DAB1: variants seen among roughly 807,000 people sequenced by gnomAD.
DAB1 encodes DAB adaptor protein 1.
DAB1 carries 15 observed loss-of-function variants against 64.6 expected under a neutral mutation model. That is an observed-to-expected ratio of 0.23 (90% CI 0.16 to 0.36). The LOEUF (loss-of-function observed/expected upper bound fraction) is 0.36, where lower values mean the gene tolerates loss of function less well. DAB1 is among the 10% of genes least tolerant of loss of function. The pLI is 1.00. For synonymous variants in DAB1, 235 were observed against 251.9 expected (o/e 0.93, Z 0.64); for missense variants, 596 against 706.7 (o/e 0.84, Z 1.78).
At chr1:58,476,679 A>G (rs1645422157) in intron 3 of DAB1, among the ~76,000 whole-genome samples, 1 of 152,222 alleles carries the variant, frequency 6.6e-6, no homozygotes, top group African/African-American at 2.4e-5. Flanking sequence ...TGAGGTGATT[A>G]ACAGAAATTT....
At chr1:57,076,795 G>A (rs1652035848) in intron 4 of DAB1, among the ~76,000 whole-genome samples, 1 of 152,142 alleles carries the variant, frequency 6.6e-6, no homozygotes. Context: ...CCCATCCCTA[G>A]ATCTCACTGC....
chr1:58,001,077 C>T (rs1308365064), intron 5 of DAB1, among the ~76,000 whole-genome samples: 4 of 151,102 alleles, frequency 2.6e-5, no homozygotes, highest in African/African-American at 9.7e-5. Flanking sequence ...CCCTCATAAT[C>T]CCTTCCTCTC....
intron 5 of DAB1, among the ~76,000 whole-genome samples, chr1:57,948,442 T>A (rs1383880131): frequency 6.6e-6 from 1 of 152,238 alleles, no homozygotes; most frequent in Admixed American, 6.5e-5. Context: ...ATGGCTCTTG[T>A]GGGCATTTGC....
At chr1:57,144,884 A>T (rs1053363847) in intron 3 of DAB1, among the ~76,000 whole-genome samples, 2 of 152,284 alleles carry the variant, frequency 1.3e-5, no homozygotes, top group African/African-American at 4.8e-5. Context: ...GAATGAATAA[A>T]ATCAACTTTT....
intron 4 of DAB1, among the ~76,000 whole-genome samples, chr1:58,256,710 T>G (rs1052796454): frequency 2.0e-5 from 3 of 151,746 alleles, no homozygotes; most frequent in Non-Finnish European, 2.9e-5. Flanking sequence ...TCATGGGCTT[T>G]TTATTGTTCA....
intron 2 of DAB1, among the ~76,000 whole-genome samples, chr1:57,176,752 A>C (rs1030302690): frequency 1.3e-5 from 2 of 152,048 alleles, no homozygotes; most frequent in Admixed American, 1.3e-4. Context: ...AAGATTTGCA[A>C]GCAAACTCAC....
chr1:58,480,966 C>A, intron 3 of DAB1: 1 of 856,858 alleles, frequency 1.2e-6, no homozygotes. Context: ...AATTTTAATT[C>A]AACTGCCCGT....
intron 6 of DAB1, among the ~76,000 whole-genome samples, chr1:57,763,257 A>G (rs912139812): frequency 6.6e-6 from 1 of 152,194 alleles, no homozygotes; most frequent in Non-Finnish European, 1.5e-5. Flanking sequence ...TAGAAAGAGG[A>G]CACTTGGAAA....
At chr1:57,778,519 A>T (rs1057368708) in intron 6 of DAB1, among the ~76,000 whole-genome samples, 8 of 151,804 alleles carry the variant, frequency 5.3e-5, no homozygotes, top group Non-Finnish European at 7.4e-5. Flanking sequence ...TATTTCTTAA[A>T]TTTTTTCCCA....
intron 4 of DAB1, among the ~76,000 whole-genome samples, chr1:58,168,387 C>T (rs1187903749): frequency 2.0e-5 from 3 of 152,102 alleles, no homozygotes; most frequent in Non-Finnish European, 2.9e-5. Flanking sequence ...GAAACTTGCC[C>T]GTCTATGCTA....
At chr1:58,283,722 A>G (rs1569600314) in intron 4 of DAB1, among the ~76,000 whole-genome samples, 1 of 152,346 alleles carries the variant, frequency 6.6e-6, no homozygotes, top group East Asian at 1.9e-4. Context: ...AACTCTTAGA[A>G]CAGTGTCTGG....
At chr1:57,156,583 G>T (rs551137485) in intron 2 of DAB1, among the ~76,000 whole-genome samples, 1 of 152,114 alleles carries the variant, frequency 6.6e-6, no homozygotes, top group Non-Finnish European at 1.5e-5. Flanking sequence ...CTTGGGGGAG[G>T]CATCTAAGGG....
chr1:58,248,915 G>T (rs770535124), intron 4 of DAB1, among the ~76,000 whole-genome samples: 71 of 152,186 alleles, frequency 4.7e-4, no homozygotes, highest in Non-Finnish European at 7.2e-4. Flanking sequence ...TGCATTCTCG[G>T]AAGGCACAGT....
chr1:58,408,717 T>C (rs1644640225), intron 3 of DAB1, among the ~76,000 whole-genome samples: 1 of 152,202 alleles, frequency 6.6e-6, no homozygotes, highest in Non-Finnish European at 1.5e-5. Flanking sequence ...AAGGAGTGGA[T>C]GCTTGAGAAG....
chr1:57,468,076 A>G (rs1341562879), intron 7 of DAB1, among the ~76,000 whole-genome samples: 1 of 152,204 alleles, frequency 6.6e-6, no homozygotes, highest in African/African-American at 2.4e-5. Context: ...AGCACACTGA[A>G]CTATATTTTC....
chr1:58,064,168 CG>C (rs1570301567), intron 5 of DAB1, among the ~76,000 whole-genome samples: 2 of 152,164 alleles, frequency 1.3e-5, no homozygotes, highest in Non-Finnish European at 2.9e-5. Flanking sequence ...GAAAGAACCA[CG>C]GGGCCTCGTA....
intron 4 of DAB1, among the ~76,000 whole-genome samples, chr1:57,134,730 A>G (rs514071): frequency 0.14 from 21,252 of 152,018 alleles, 1,571 homozygotes; most frequent in South Asian, 0.2. Context: ...TTGAGAGATA[A>G]TAGGCATCAT....
chr1:57,071,681 TA>T (rs1208169369), intron 5 of DAB1, 40 bp from the exon 6 acceptor site: 1 of 1,583,792 alleles, frequency 6.3e-7, no homozygotes, highest in African/African-American at 1.4e-5. Flanking sequence ...AAGGGAATGG[TA>T]CTGAGACGCA....
At chr1:57,229,913 C>G (rs1017370605) in intron 2 of DAB1, among the ~76,000 whole-genome samples, 1 of 152,184 alleles carries the variant, frequency 6.6e-6, no homozygotes. Flanking sequence ...AAGTCCATCT[C>G]CCCAATCAAC....
Sources: allele counts gnomAD v4.1 joint callset (sites outside exome capture counted in the v4.1 genomes callset), GRCh38; gene constraint gnomAD v4.1.1; transcripts MANE v1.5; gene names NCBI Gene and HGNC (gene_info 2026-07-23, HGNC 2026-07-21).